Variants in NEK11 observed in about 807,000 individuals in gnomAD.
NEK11 encodes the protein NIMA related kinase 11.
A neutral mutation model predicts 80.7 loss-of-function variants in NEK11; 72 were observed. The observed-to-expected ratio is 0.89, with a 90% CI of 0.74 to 1.08. The LOEUF (loss-of-function observed/expected upper bound fraction) is 1.08, where lower values mean the gene tolerates loss of function less well. NEK11 is among the 50% of genes least tolerant of loss of function. The pLI is 0.00. For synonymous variants in NEK11, 251 were observed against 260.7 expected, an observed-to-expected ratio of 0.96 and a Z score of 0.36; for missense variants, 764 against 763.6, an observed-to-expected ratio of 1.00 and a Z score of -0.01.
At chr3:131,084,095 A>G (rs2075664436) in intron 4 of NEK11, among the ~76,000 whole-genome samples, 1 of 152,124 alleles carries the variant, frequency 6.6e-6, no homozygotes, top group Non-Finnish European at 1.5e-5. Context: ...TTCCTTTCCC[A>G]TAAACAAAGC....
chr3:131,255,079 G>GGAAAGAAAGAAAGAAAGAAATAAA (rs2095786708), intron 16 of NEK11, among the ~76,000 whole-genome samples: 2 of 119,186 alleles, frequency 1.7e-5, no homozygotes, highest in African/African-American at 6.5e-5. Flanking sequence ...ACAGAAAGAA[G>GGAAAGAAAGAAAGAAAGAAATAAA]GAAAGAAAGA....
chr3:131,205,160 T>C (rs768164840), intron 14 of NEK11, among the ~76,000 whole-genome samples: 14 of 152,140 alleles, frequency 9.2e-5, no homozygotes, highest in Non-Finnish European at 2.1e-4. Flanking sequence ...AACTAAAGAT[T>C]CACTTGGTTT....
At chr3:131,284,995 A>G (rs1166056018) in intron 17 of NEK11, among the ~76,000 whole-genome samples, 2 of 152,176 alleles carry the variant, frequency 1.3e-5, no homozygotes, top group East Asian at 3.8e-4. Context: ...CATCTATCCT[A>G]TTAGTTCTGT....
rs146166299 is a variant in NEK11, at chr3:131,034,614, C to T, written c.170+4736C>T. On this transcript the variant is annotated intron_variant, in intron 3 of 17. Coordinates refer to ENST00000383366, the MANE Select transcript of NEK11 (RefSeq NM_024800.5). Reference sequence around the variant, plus strand: ...TGGGGTTTCACCGTGGTCTCGATCTCCTGACCTTGTGATCCACTTGCCTGG... The same window carrying T: ...TGGGGTTTCACCGTGGTCTCGATCTTCTGACCTTGTGATCCACTTGCCTGG... Among the ~76,000 whole-genome samples, 2,435 of 152,218 alleles carry T rather than the reference C, an allele frequency of 0.016. 187 individuals carry two copies. The East Asian group carries it at 0.23, about 14-fold the overall frequency.
chr3:131,130,832 C>T (rs553030276), intron 5 of NEK11, among the ~76,000 whole-genome samples: 7 of 152,246 alleles, frequency 4.6e-5, no homozygotes, highest in South Asian at 4.1e-4. Context: ...GACAACATCT[C>T]GCTCTGTCAC....
At chr3:131,162,046 C>G (rs190224599) in intron 10 of NEK11, among the ~76,000 whole-genome samples, 2,038 of 152,170 alleles carry the variant, frequency 0.013, 26 homozygotes, top group East Asian at 0.079. Flanking sequence ...TCGAACCCTG[C>G]CTAACTCTAA....
intron 17 of NEK11, chr3:131,330,866 T>C (rs2097065505): frequency 6.8e-6 from 1 of 146,056 alleles, no homozygotes; most frequent in African/African-American, 2.6e-5. Context: ...AGGGCCATCT[T>C]GCTACATCAT....
intron 17 of NEK11, among the ~76,000 whole-genome samples, chr3:131,287,010 C>T (rs2096480484): frequency 6.6e-6 from 1 of 152,128 alleles, no homozygotes; most frequent in Non-Finnish European, 1.5e-5. Context: ...TGGGCAAAAC[C>T]TTAGAAAAAC....
intron 14 of NEK11, among the ~76,000 whole-genome samples, chr3:131,186,055 GAA>G (rs2093588413): frequency 6.6e-6 from 1 of 152,122 alleles, no homozygotes; most frequent in Admixed American, 6.5e-5. Context: ...ACGTGAAACA[GAA>G]AGTACACAGC....
At position 131,349,609 on chromosome 3, in the gene NEK11, C is replaced by A. The variant is rs761114701; in HGVS notation, c.1771C>A (p.Leu591Ile). Residue 591 changes from leucine (L) to isoleucine (I), a missense_variant, in exon 18 of 18, where the codon CTC (leucine) becomes ATC (isoleucine). By Grantham distance (5) the Leu-to-Ile change is conservative. Transcript: ENST00000383366. ...AGTATTTGAAGAGGTCTATAATTAC[C>A]TCAAGAGAGCAAGGCATCAGAATGC... The part of the protein sequence containing the change: ...TEVFEEVYNY[L>I]KRARHQNASE... The A allele has an allele frequency of 1.2e-6, 2 of 1,614,080 alleles. No individual in the cohort carries two copies. Among genetic ancestry groups the A allele is most frequent in the East Asian group, 4.5e-5 (2 of 44,876 alleles).
intron 5 of NEK11, among the ~76,000 whole-genome samples, chr3:131,116,266 G>T (rs1391633633): frequency 6.6e-6 from 1 of 151,960 alleles, no homozygotes; most frequent in Non-Finnish European, 1.5e-5. Context: ...CAGAATGATG[G>T]TTTCCAGCTT....
intron 17 of NEK11, among the ~76,000 whole-genome samples, chr3:131,345,345 C>CA (rs1455601063): frequency 2.0e-5 from 3 of 152,062 alleles, no homozygotes; most frequent in Non-Finnish European, 2.9e-5. Flanking sequence ...AACTTAACTG[C>CA]AAAAAACCAA....
chr3:131,097,486 T>C (rs1171996051), intron 4 of NEK11, among the ~76,000 whole-genome samples: 3 of 152,172 alleles, frequency 2.0e-5, no homozygotes, highest in South Asian at 2.1e-4. Context: ...TAATGGCCAG[T>C]GATGATGAGC....
intron 13 of NEK11, among the ~76,000 whole-genome samples, chr3:131,169,744 G>A (rs1260216440): frequency 6.6e-6 from 1 of 152,164 alleles, no homozygotes; most frequent in Non-Finnish European, 1.5e-5. Flanking sequence ...TCTAAGAGAA[G>A]CAATTATAAC....
chr3:131,127,026 C>A (rs1212479966), intron 5 of NEK11, among the ~76,000 whole-genome samples: 1 of 136,914 alleles, frequency 7.3e-6, no homozygotes, highest in Admixed American at 8.0e-5. Context: ...AGTACAGTGG[C>A]GCGATCCTGG....
intron 15 of NEK11, among the ~76,000 whole-genome samples, chr3:131,231,875 G>A (rs1227490645): frequency 1.3e-5 from 2 of 152,038 alleles, no homozygotes; most frequent in Non-Finnish European, 2.9e-5. Flanking sequence ...TTCTATGTGT[G>A]TAATCAGATC....
intron 17 of NEK11, among the ~76,000 whole-genome samples, chr3:131,320,875 C>G (rs115613191): frequency 0.017 from 2,594 of 152,166 alleles, 65 homozygotes; most frequent in African/African-American, 0.058. Flanking sequence ...CAAAAACATT[C>G]CATATTCATG....
intron 7 of NEK11, among the ~76,000 whole-genome samples, chr3:131,145,422 A>G (rs913037307): frequency 2.0e-5 from 3 of 152,274 alleles, no homozygotes; most frequent in African/African-American, 7.2e-5. Flanking sequence ...CTTCCAAGCA[A>G]TGAAAAGACA....
chr3:131,103,647 T>G (rs1310445438), intron 4 of NEK11, among the ~76,000 whole-genome samples: 2 of 152,176 alleles, frequency 1.3e-5, no homozygotes, highest in African/African-American at 4.8e-5. Flanking sequence ...GCACTGTACC[T>G]GCATTTCTTT....
Sources: gnomAD v4.1 joint callset for allele counts (sites outside exome capture counted in the v4.1 genomes callset) on GRCh38, gnomAD v4.1.1 for gene constraint, MANE v1.5 for transcripts, NCBI Gene and HGNC (gene_info 2026-07-23, HGNC 2026-07-21) for gene names.